SSBP3: variants seen among roughly 807,000 people sequenced by gnomAD.
The protein encoded by SSBP3 is single-stranded DNA-binding protein 3.
Under a neutral mutation model 69.6 loss-of-function variants are expected in SSBP3, and 5 were observed. The observed-to-expected ratio is 0.07, with a 90% CI of 0.04 to 0.15. The LOEUF (loss-of-function observed/expected upper bound fraction) is 0.15. Ranked by LOEUF, SSBP3 falls within the 10% of genes least tolerant of loss-of-function variation. The probability of loss-of-function intolerance (pLI) is 1.00; values close to 1 mark genes in which losing one functional copy is unlikely to be tolerated. For missense variants in SSBP3, 312 were observed against 534.0 expected (o/e 0.58, Z 4.10); for synonymous variants, 196 against 193.4 (o/e 1.01, Z -0.11).
At chr1:54,379,313 T>C (rs1214574830) in intron 4 of SSBP3, among the ~76,000 whole-genome samples, 1 of 152,166 alleles carries the variant, frequency 6.6e-6, no homozygotes, top group Non-Finnish European at 1.5e-5. Context: ...TGTTTTCTCT[T>C]TCCTTAAAAC....
intron 4 of SSBP3, chr1:54,335,735 G>C (rs914078833): frequency 6.6e-6 from 1 of 152,228 alleles, no homozygotes; most frequent in Admixed American, 6.5e-5. Flanking sequence ...GCACAATCCC[G>C]TAAGACAAGC....
intron 4 of SSBP3, 96 bp from the exon 5 acceptor site, chr1:54,281,623 T>C (rs928580806): frequency 8.8e-7 from 1 of 1,131,234 alleles, no homozygotes; most frequent in Admixed American, 2.0e-5. Context: ...TCCGTCCACA[T>C]TCCCCGTGGA....
chr1:54,304,182 T>A (rs1476776119), intron 4 of SSBP3, among the ~76,000 whole-genome samples: 1 of 152,056 alleles, frequency 6.6e-6, no homozygotes, highest in Non-Finnish European at 1.5e-5. Flanking sequence ...GGGTCGGGCA[T>A]GTTGGAACCA....
intron 4 of SSBP3, among the ~76,000 whole-genome samples, chr1:54,369,980 G>A (rs144961472): frequency 9.9e-5 from 15 of 152,270 alleles, no homozygotes; most frequent in Admixed American, 3.3e-4. Context: ...AAAATGTGGA[G>A]TAGAACTCAA....
At chr1:54,403,800 G>A (rs1389873196) in intron 3 of SSBP3, among the ~76,000 whole-genome samples, 4 of 152,022 alleles carry the variant, frequency 2.6e-5, no homozygotes, top group Non-Finnish European at 5.9e-5. Context: ...AAACACCCGG[G>A]TCATATACCT....
chr1:54,371,992 A>G (rs959776444), intron 4 of SSBP3, among the ~76,000 whole-genome samples: 2 of 152,122 alleles, frequency 1.3e-5, no homozygotes, highest in African/African-American at 2.4e-5. Flanking sequence ...TTTACAGATA[A>G]GGAAACTGAG....
At chr1:54,276,150 T>A (rs974848270) in intron 5 of SSBP3, among the ~76,000 whole-genome samples, 3 of 152,202 alleles carry the variant, frequency 2.0e-5, no homozygotes, top group African/African-American at 7.2e-5. Context: ...GGAAAGTCCC[T>A]GCTATCCTTC....
chr1:54,241,628 C>T (rs1644640089), intron 11 of SSBP3, 119 bp from the exon 12 acceptor site: 2 of 1,078,402 alleles, frequency 1.9e-6, no homozygotes, highest in East Asian at 2.4e-5. Context: ...AGTGAGCTGG[C>T]CACCCACTTG....
chr1:54,378,517 C>T lies in SSBP3; in HGVS notation c.276+23344G>A, dbSNP rs563360737. 1.3e-3 allele frequency among the ~76,000 whole-genome samples: 202 copies of T among 152,342 alleles called. 1 individual carries two copies. The highest frequency in any genetic ancestry group is 4.6e-3 in the African/African-American group (191 of 41,588). ...GGTCTCCTGGCCTCAGCCACAGCCC[C>T]CAATCCCTCTGGCTGGGGCAGCAAC... On this transcript the variant is annotated intron_variant, in intron 4 of 17. Coordinates refer to ENST00000610401, the Ensembl canonical transcript of SSBP3.
chr1:54,291,207 A>G (rs984419730), intron 4 of SSBP3, among the ~76,000 whole-genome samples: 4 of 152,048 alleles, frequency 2.6e-5, no homozygotes, highest in Admixed American at 6.5e-5. Context: ...CCCTCAGAAC[A>G]TCTTTCAAGG....
chr1:54,251,973 G>A (rs981782090), intron 7 of SSBP3, 113 bp from the exon 8 acceptor site: 2 of 887,776 alleles, frequency 2.3e-6, no homozygotes, highest in African/African-American at 3.3e-5. Flanking sequence ...AGCCACTCAT[G>A]GCCTCCCTGA....
chr1:54,227,218 C>T (rs1490301319), intron 17 of SSBP3, 58 bp from the exon 18 acceptor site: 2 of 1,012,270 alleles, frequency 2.0e-6, no homozygotes, highest in Non-Finnish European at 1.6e-6. Flanking sequence ...GCCGCTGACA[C>T]ACCCAGGTGC....
intron 14 of SSBP3, among the ~76,000 whole-genome samples, chr1:54,233,058 G>A (rs1644409950): frequency 6.6e-6 from 1 of 151,550 alleles, no homozygotes; most frequent in Admixed American, 6.6e-5. Context: ...GGGATGTGAG[G>A]AGCCCCTCTG....
chr1:54,272,223 C>T (rs1366018946), intron 5 of SSBP3, among the ~76,000 whole-genome samples: 1 of 152,118 alleles, frequency 6.6e-6, no homozygotes, highest in East Asian at 1.9e-4. Flanking sequence ...ATGAACCTGA[C>T]CCCATACTGT....
At chr1:54,232,261 C>T (rs1164526491) in intron 14 of SSBP3, among the ~76,000 whole-genome samples, 1 of 152,106 alleles carries the variant, frequency 6.6e-6, no homozygotes, top group Non-Finnish European at 1.5e-5. Context: ...ACAGAAATAA[C>T]TTTTTGCTCG....
At chr1:54,384,778 C>G (rs1394928124) in intron 4 of SSBP3, among the ~76,000 whole-genome samples, 4 of 152,316 alleles carry the variant, frequency 2.6e-5, no homozygotes, top group South Asian at 4.1e-4. Context: ...ATTTTTATTT[C>G]AAAACACAGA....
chr1:54,319,126 G>A (rs1646168663), intron 4 of SSBP3, among the ~76,000 whole-genome samples: 1 of 152,200 alleles, frequency 6.6e-6, no homozygotes, highest in Non-Finnish European at 1.5e-5. Flanking sequence ...ACCTGCAGGT[G>A]CTTCTACATG....
intron 3 of SSBP3, among the ~76,000 whole-genome samples, chr1:54,402,759 C>T (rs1465667325): frequency 6.6e-6 from 1 of 152,184 alleles, no homozygotes; most frequent in East Asian, 1.9e-4. Context: ...TGTATGGTCA[C>T]TCCGACATTC....
At chr1:54,251,561 A>C (rs562605689) in intron 9 of SSBP3, 55 bp downstream of exon 9, 1 of 1,509,950 alleles carries the variant, frequency 6.6e-7, no homozygotes, top group South Asian at 1.2e-5. Context: ...ACAGGAGAGA[A>C]GGCGGGTGCA....
Sources: allele counts gnomAD v4.1 joint callset (sites outside exome capture counted in the v4.1 genomes callset), GRCh38; gene constraint gnomAD v4.1.1; transcripts MANE v1.5; gene names NCBI Gene and HGNC (gene_info 2026-07-23, HGNC 2026-07-21).